The following REPS1 variants were observed in gnomAD, a reference collection of about 807,000 sequenced individuals.
REPS1 encodes ralBP1-associated Eps domain-containing protein 1.
A neutral mutation model predicts 100.9 loss-of-function variants in REPS1; 39 were observed. The ratio of observed to expected loss-of-function variants is 0.39; its 90% CI spans 0.30 to 0.50. REPS1 has a LOEUF of 0.50. Ranked by LOEUF, REPS1 falls within the 20% of genes least tolerant of loss-of-function variation. The pLI is 0.86. For missense variants in REPS1, 821 were observed against 968.5 expected (o/e 0.85, Z 2.02); for synonymous variants, 324 against 340.3 (o/e 0.95, Z 0.53).
intron 19 of REPS1, chr6:138,907,266 G>A (rs186122359): frequency 3.0e-6 from 1 of 332,452 alleles, no homozygotes. Context: ...AGCCCAGGTT[G>A]CCAGGGTGAT....
intron 3 of REPS1, 48 bp from the exon 4 acceptor site, chr6:138,945,420 A>C (rs1381520936): frequency 1.5e-5 from 23 of 1,584,860 alleles, no homozygotes; most frequent in East Asian, 4.5e-5. Flanking sequence ...GAGACATTTT[A>C]ATTATTAAGC....
intron 17 of REPS1, among the ~76,000 whole-genome samples, chr6:138,910,168 CTCTTGAGT>C (rs1472468582): frequency 6.6e-6 from 1 of 152,132 alleles, no homozygotes; most frequent in Non-Finnish European, 1.5e-5. Flanking sequence ...TGAGTTCTTA[CTCTTGAGT>C]TCACATGAGA....
intron 15 of REPS1, among the ~76,000 whole-genome samples, chr6:138,913,764 T>G (rs1780172691): frequency 6.6e-6 from 1 of 152,228 alleles, no homozygotes; most frequent in South Asian, 2.1e-4. Context: ...TGAACTAACT[T>G]GTTTTCCCCT....
rs774187833 is a variant in REPS1, at chr6:138,907,617, G to C, written c.2217-17C>G. 2 of 1,524,684 alleles carry C rather than the reference G, an allele frequency of 1.3e-6. No homozygotes were observed. The highest frequency in any genetic ancestry group is 4.5e-5 in the East Asian group (2 of 44,450). 94.4% of individuals were successfully genotyped at this position (1,524,684 alleles called of 1,614,324 possible). A position where few individuals can be genotyped will look rare whatever the true frequency, so the allele number is the denominator to read the frequency against. On this transcript the variant is annotated splice_polypyrimidine_tract_variant and intron_variant, in intron 18 of 19. Coordinates refer to ENST00000450536, the MANE Select transcript of REPS1 (RefSeq NM_001286611.2). ...CCAACAGATCTGAGAAGATAAAGAA[G>C]GCAAAAAAACCCATAACCTTCATTT...
intron 18 of REPS1, 91 bp downstream of exon 18, chr6:138,908,577 G>T: frequency 7.1e-7 from 1 of 1,403,144 alleles, no homozygotes; most frequent in South Asian, 1.2e-5. Flanking sequence ...TTACAGGTGT[G>T]AGCCACCACG....
chr6:138,928,313 T>C (rs1562526302), intron 9 of REPS1: 1 of 152,170 alleles, frequency 6.6e-6, no homozygotes, highest in African/African-American at 2.4e-5. Context: ...ATTAGGGTCA[T>C]CTCCTATACT....
chr6:138,915,832 G>A (rs1208138041), intron 14 of REPS1, 26 bp downstream of exon 14: 3 of 1,417,780 alleles, frequency 2.1e-6, no homozygotes, highest in South Asian at 1.2e-5. Flanking sequence ...AAATGATAAT[G>A]TATATTATGG....
chr6:138,924,712 T>TAA (rs1479496761), intron 10 of REPS1, among the ~76,000 whole-genome samples: 2 of 152,180 alleles, frequency 1.3e-5, no homozygotes, highest in African/African-American at 4.8e-5. Flanking sequence ...ACTTAAAGCT[T>TAA]AAAGGCAAAA....
At chr6:138,909,949 A>T (rs1463007558) in intron 17 of REPS1, among the ~76,000 whole-genome samples, 1 of 152,164 alleles carries the variant, frequency 6.6e-6, no homozygotes, top group Non-Finnish European at 1.5e-5. Context: ...AGATAACAGA[A>T]AAAAAAAGTT....
chr6:138,958,108 G>C (rs573754901), intron 1 of REPS1, among the ~76,000 whole-genome samples: 1 of 152,260 alleles, frequency 6.6e-6, no homozygotes, highest in East Asian at 1.9e-4. Flanking sequence ...AAATTTGAGG[G>C]AATACAGAGA....
intron 1 of REPS1, among the ~76,000 whole-genome samples, chr6:138,966,701 C>A (rs1784045015): frequency 6.6e-6 from 1 of 152,114 alleles, no homozygotes; most frequent in Admixed American, 6.5e-5. Flanking sequence ...TATGTTACAT[C>A]ATAAAACACG....
chr6:138,946,633 G>A (rs924962281), intron 2 of REPS1, among the ~76,000 whole-genome samples: 1 of 152,082 alleles, frequency 6.6e-6, no homozygotes, highest in Non-Finnish European at 1.5e-5. Flanking sequence ...AACCTCTACC[G>A]ACCAATAAAC....
At chr6:138,920,037 T>C (rs774155485) in intron 12 of REPS1, among the ~76,000 whole-genome samples, 178 bp downstream of exon 12, 17 of 152,124 alleles carry the variant, frequency 1.1e-4, no homozygotes, top group South Asian at 2.1e-4. Context: ...GAAGCCTGCA[T>C]TGAAGCAGGA....
chr6:138,936,117 G>T (rs1781813935), intron 8 of REPS1, among the ~76,000 whole-genome samples: 1 of 151,908 alleles, frequency 6.6e-6, no homozygotes, highest in African/African-American at 2.4e-5. Flanking sequence ...AAAGGAAAAA[G>T]GTCACTTCTA....
intron 8 of REPS1, among the ~76,000 whole-genome samples, chr6:138,933,967 AG>A (rs918861395): frequency 9.9e-5 from 15 of 152,216 alleles, no homozygotes; most frequent in Admixed American, 7.2e-4. Context: ...AAAGAAAAAA[AG>A]ATTTAAAAGT....
rs1414217372 is a variant in REPS1 at position 138,941,417 on chromosome 6, A to C, written c.1053T>G (p.Val351=). The C allele has an allele frequency of 2.5e-6, 4 of 1,614,086 alleles. No homozygotes were observed. The South Asian group carries it at 4.4e-5, about 18-fold the overall frequency. Residue 351 remains valine (V), a synonymous_variant, in exon 8 of 20, where the codon GTT becomes GTG. Transcript: ENST00000450536. ...GTAAATCATAGCCATTCTTCCTAGCAACCACCAGATGAAAAGCAGCACAAA... is the reference window on the plus strand; with the variant it reads ...GTAAATCATAGCCATTCTTCCTAGCCACCACCAGATGAAAAGCAGCACAAA... ...DEFCAAFHLV[V]ARKNGYDLPE... is the part of the protein sequence containing the mutation.
chr6:138,913,583 AAT>A (rs1205775296), intron 15 of REPS1, among the ~76,000 whole-genome samples: 4 of 152,242 alleles, frequency 2.6e-5, no homozygotes, highest in African/African-American at 9.6e-5. Context: ...AAGAAATTAA[AAT>A]AGAGTGTGAG....
At chr6:138,927,734 A>C (rs992030271) in intron 9 of REPS1, 1 of 152,234 alleles carries the variant, frequency 6.6e-6, no homozygotes, top group Non-Finnish European at 1.5e-5. Context: ...ATGAAAATTA[A>C]GATATTCTGA....
chr6:138,985,077 C>T (rs1182897304), intron 1 of REPS1, among the ~76,000 whole-genome samples: 2 of 152,178 alleles, frequency 1.3e-5, no homozygotes, highest in East Asian at 3.9e-4. Flanking sequence ...ATCTGCTGCC[C>T]TTCTTCAGAG....
Sources: allele counts gnomAD v4.1 joint callset (sites outside exome capture counted in the v4.1 genomes callset), GRCh38; gene constraint gnomAD v4.1.1; transcripts MANE v1.5; gene names NCBI Gene and HGNC (gene_info 2026-07-23, HGNC 2026-07-21).